NDUFAF2: variants seen among roughly 807,000 people sequenced by gnomAD.
NDUFAF2 encodes NADH:ubiquinone oxidoreductase complex assembly factor 2.
A neutral mutation model predicts 22.8 loss-of-function variants in NDUFAF2; 13 were observed. That is an observed-to-expected ratio of 0.57 (90% CI 0.37 to 0.91). The LOEUF is 0.91. Among genes scored for constraint, NDUFAF2 ranks in the 40% least tolerant of loss-of-function variants. NDUFAF2 has a pLI of 0.01. For synonymous variants in NDUFAF2, 53 were observed against 64.2 expected, an observed-to-expected ratio of 0.83 and a Z score of 0.84; for missense variants, 162 against 195.2, an observed-to-expected ratio of 0.83 and a Z score of 1.01.
intron 2 of NDUFAF2, among the ~76,000 whole-genome samples, chr5:61,075,483 A>T (rs1403587666): frequency 6.6e-6 from 1 of 152,206 alleles, no homozygotes; most frequent in Non-Finnish European, 1.5e-5. Context: ...CAATTCTTGG[A>T]TAATGCGTGC....
At chr5:61,072,420 C>A (rs932799724) in intron 1 of NDUFAF2, among the ~76,000 whole-genome samples, 1 of 152,020 alleles carries the variant, frequency 6.6e-6, no homozygotes, top group Non-Finnish European at 1.5e-5. Flanking sequence ...CAATGAATAT[C>A]GATTTTCTTG....
At chr5:61,148,254 G>A (rs575884636) in intron 3 of NDUFAF2, among the ~76,000 whole-genome samples, 1 of 152,228 alleles carries the variant, frequency 6.6e-6, no homozygotes, top group East Asian at 1.9e-4. Flanking sequence ...ATGATATAGG[G>A]TTTATCTAAT....
At chr5:61,045,026 A>AAATTTTAATTTAATT in intron 1 of NDUFAF2, among the ~76,000 whole-genome samples, 1 of 148,542 alleles carries the variant, frequency 6.7e-6, no homozygotes, top group Non-Finnish European at 1.5e-5. Flanking sequence ...TAAATTTATT[A>AAATTTTAATTTAATT]AATTTTAATT....
chr5:61,150,902 TAGGA>T (rs1741228077), intron 3 of NDUFAF2, among the ~76,000 whole-genome samples: 1 of 152,166 alleles, frequency 6.6e-6, no homozygotes, highest in Admixed American at 6.6e-5. Context: ...CTAGAGGGTA[TAGGA>T]AGAAGAAAAC....
chr5:60,991,364 G>A (rs1417005412), intron 1 of NDUFAF2, among the ~76,000 whole-genome samples: 3 of 151,584 alleles, frequency 2.0e-5, no homozygotes, highest in Non-Finnish European at 4.4e-5. Context: ...AATTATTATT[G>A]ACTATAGTTG....
At chr5:60,962,236 G>A (rs1750697968) in intron 1 of NDUFAF2, among the ~76,000 whole-genome samples, 1 of 151,210 alleles carries the variant, frequency 6.6e-6, no homozygotes, top group Admixed American at 6.6e-5. Flanking sequence ...AACTATGATA[G>A]CACAATATGA....
chr5:61,022,705 C>T (rs181929078), intron 1 of NDUFAF2, among the ~76,000 whole-genome samples: 4 of 152,250 alleles, frequency 2.6e-5, no homozygotes, highest in East Asian at 1.9e-4. Context: ...AGTGTAGTGG[C>T]GTGATCTCAG....
intron 1 of NDUFAF2, among the ~76,000 whole-genome samples, chr5:60,999,656 G>A (rs557854348): frequency 5.1e-4 from 78 of 151,982 alleles, no homozygotes; most frequent in Non-Finnish European, 9.4e-4. Flanking sequence ...TTCTGAACAT[G>A]CTAAATGCCA....
At chr5:61,057,543 G>C (rs1179727572) in intron 1 of NDUFAF2, among the ~76,000 whole-genome samples, 2 of 152,162 alleles carry the variant, frequency 1.3e-5, no homozygotes, top group Non-Finnish European at 2.9e-5. Context: ...CTGAATCAAT[G>C]ATTTTCACAG....
At chr5:60,987,253 G>A (rs772788538) in intron 1 of NDUFAF2, among the ~76,000 whole-genome samples, 15 of 151,984 alleles carry the variant, frequency 9.9e-5, no homozygotes, top group Non-Finnish European at 1.6e-4. Context: ...TGAACAGACC[G>A]ATAATGAGCT....
chr5:60,993,644 G>T (rs1751189947), intron 1 of NDUFAF2, among the ~76,000 whole-genome samples: 1 of 152,134 alleles, frequency 6.6e-6, no homozygotes, highest in Non-Finnish European at 1.5e-5. Flanking sequence ...CCTCTCTGCG[G>T]GTGGTCATCC....
At chr5:60,951,129 A>C (rs766571347) in intron 1 of NDUFAF2, among the ~76,000 whole-genome samples, 184 of 152,136 alleles carry the variant, frequency 1.2e-3, no homozygotes, top group Admixed American at 1.8e-3. Flanking sequence ...TCTCAGGTTC[A>C]AGTGATTCTC....
chr5:60,956,075 A>AT (rs1004194354), intron 1 of NDUFAF2, among the ~76,000 whole-genome samples: 2 of 151,872 alleles, frequency 1.3e-5, no homozygotes, highest in African/African-American at 4.8e-5. Flanking sequence ...TAATTTTTGT[A>AT]TTTTTTGTAG....
At chr5:60,957,685 G>T (rs548234011) in intron 1 of NDUFAF2, among the ~76,000 whole-genome samples, 1 of 152,174 alleles carries the variant, frequency 6.6e-6, no homozygotes, top group East Asian at 1.9e-4. Context: ...TCCTCATTGT[G>T]CTCTGGTAGA....
intron 2 of NDUFAF2, among the ~76,000 whole-genome samples, chr5:61,078,840 T>C (rs1219345521): frequency 1.3e-5 from 2 of 152,210 alleles, no homozygotes; most frequent in East Asian, 3.9e-4. Context: ...CAGTGAACCT[T>C]GTAAGTTTAA....
intron 1 of NDUFAF2, among the ~76,000 whole-genome samples, chr5:61,031,307 T>A (rs936020371): frequency 6.6e-6 from 1 of 151,962 alleles, no homozygotes; most frequent in African/African-American, 2.4e-5. Flanking sequence ...CCTCTCCTAG[T>A]CCCCCACCCC....
intron 1 of NDUFAF2, among the ~76,000 whole-genome samples, chr5:61,045,383 G>T (rs1309523973): frequency 5.4e-5 from 8 of 149,212 alleles, no homozygotes; most frequent in African/African-American, 2.0e-4. Flanking sequence ...TTCTTTTATA[G>T]TCTTCAGTGT....
At chr5:61,130,799 G>A (rs1753099147) in intron 3 of NDUFAF2, among the ~76,000 whole-genome samples, 1 of 152,148 alleles carries the variant, frequency 6.6e-6, no homozygotes, top group Admixed American at 6.6e-5. Flanking sequence ...AGATGTTGGA[G>A]ATATAGAGGA....
chr5:60,964,868 G>C (rs762903925), intron 1 of NDUFAF2, among the ~76,000 whole-genome samples: 5 of 152,136 alleles, frequency 3.3e-5, no homozygotes, highest in Admixed American at 2.6e-4. Context: ...CCACCCACCA[G>C]ACTCTGGTAA....
Sources: gnomAD v4.1 joint callset for allele counts (sites outside exome capture counted in the v4.1 genomes callset) on GRCh38, gnomAD v4.1.1 for gene constraint, MANE v1.5 for transcripts, NCBI Gene and HGNC (gene_info 2026-07-23, HGNC 2026-07-21) for gene names.